TRAFD1: variants seen among roughly 807,000 people sequenced by gnomAD.
TRAFD1 encodes TRAF-type zinc finger domain-containing protein 1.
In TRAFD1, 38 loss-of-function variants were observed where a neutral mutation model predicts 65.3. The observed-to-expected ratio is 0.58, with a 90% CI of 0.45 to 0.76. The LOEUF is 0.76. TRAFD1 is among the 30% of genes least tolerant of loss of function. The probability of loss-of-function intolerance (pLI) is 0.00; values close to 1 mark genes in which losing one functional copy is unlikely to be tolerated. For synonymous variants in TRAFD1, 223 were observed against 257.2 expected, an observed-to-expected ratio of 0.87 and a Z score of 1.27; for missense variants, 631 against 712.6, an observed-to-expected ratio of 0.89 and a Z score of 1.30.
intron 4 of TRAFD1, among the ~76,000 whole-genome samples, chr12:112,136,036 C>T (rs1433283147): frequency 1.3e-5 from 2 of 149,904 alleles, no homozygotes; most frequent in African/African-American, 4.9e-5. Context: ...GGCTGAGGCA[C>T]GAGAATCGCT....
chr12:112,151,173 G>A (rs768185831), intron 9 of TRAFD1, among the ~76,000 whole-genome samples: 1 of 151,952 alleles, frequency 6.6e-6, no homozygotes, highest in East Asian at 2.0e-4. Flanking sequence ...AGGAGGCAGA[G>A]GCTGCAGTGA....
At chr12:112,140,264 C>A (rs901289924) in intron 4 of TRAFD1, 11 of 181,702 alleles carry the variant, frequency 6.1e-5, no homozygotes, top group Admixed American at 6.0e-4. Flanking sequence ...ACTAAAAATA[C>A]AAAAAATTAA....
intron 2 of TRAFD1, among the ~76,000 whole-genome samples, chr12:112,132,663 A>G (rs2079572063): frequency 6.6e-6 from 1 of 152,162 alleles, no homozygotes; most frequent in Admixed American, 6.6e-5. Flanking sequence ...TAGCTTGATA[A>G]TTCCACCACT....
chr12:112,140,713 G>T, intron 4 of TRAFD1, 106 bp from the exon 5 acceptor site: 1 of 1,330,972 alleles, frequency 7.5e-7, no homozygotes, highest in Non-Finnish European at 1.0e-6. Context: ...AGAATCAAGG[G>T]TTGGAAGAGA....
In TRAFD1 at chr12:112,143,270, G is replaced by A. The variant is rs183397916; in HGVS notation, c.850+975G>A. ...AATTTTTTGTATTTTTAGTAAAGACGGGGTTTCACTGTATTAGCCAGGATT... is the reference window on the plus strand; with the variant it reads ...AATTTTTTGTATTTTTAGTAAAGACAGGGTTTCACTGTATTAGCCAGGATT... On this transcript the variant is annotated intron_variant, in intron 6 of 11. Transcript: ENST00000412615. Among the ~76,000 whole-genome samples the A allele has an allele frequency of 2.8e-3, 433 of 152,222 alleles. 3 individuals carry two copies. The highest frequency in any genetic ancestry group is 1.0e-2 in the African/African-American group (415 of 41,534).
At chr12:112,129,029 T>TA (rs543476356) in intron 1 of TRAFD1, among the ~76,000 whole-genome samples, 5,579 of 91,352 alleles carry the variant, frequency 0.061, 366 homozygotes, top group African/African-American at 0.17. Flanking sequence ...AGACTCTGTT[T>TA]AAAAAAAAAA....
intron 9 of TRAFD1, among the ~76,000 whole-genome samples, chr12:112,151,118 G>T (rs1398049773): frequency 2.0e-5 from 3 of 150,308 alleles, no homozygotes; most frequent in South Asian, 2.1e-4. Flanking sequence ...GGCGCCAGTA[G>T]TCCCAGCTAC....
At chr12:112,148,329 C>T in intron 8 of TRAFD1, 25 bp downstream of exon 8, 1 of 1,602,838 alleles carries the variant, frequency 6.2e-7, no homozygotes, top group Non-Finnish European at 8.5e-7. Flanking sequence ...AGTCCCTGTC[C>T]ATGTGGCTCT....
rs1303657926 is a variant in TRAFD1, at chr12:112,141,096, T to G, written c.515T>G (p.Ile172Ser). ...ATTGCATCCCAACTCCTCAGACAAA[T>G]TGAGGCTCTGGACCCACCCATGAGG... ...IWIASQLLRQIEALDPPMRLP... is the reference protein window; with the variant it reads ...IWIASQLLRQSEALDPPMRLP... The change falls in exon 5 of 12, where the codon ATT becomes AGT. Residue 172 changes from isoleucine to serine, a missense_variant. Ile to Ser is a moderately radical substitution (Grantham distance 142). Transcript: ENST00000412615. The G allele has an allele frequency of 1.4e-5, 22 of 1,614,104 alleles. No individual in the cohort carries two copies. Among genetic ancestry groups the G allele is most frequent in the Non-Finnish European group, 1.8e-5 (21 of 1,179,992 alleles).
At chr12:112,149,653 C>T (rs1387600099) in intron 8 of TRAFD1, 98 bp from the exon 9 acceptor site, 1 of 1,505,316 alleles carries the variant, frequency 6.6e-7, no homozygotes, top group African/African-American at 1.4e-5. Flanking sequence ...GTCAAAGTCC[C>T]CCTCCAGATG....
At chr12:112,150,402 A>C (rs1158188273) in intron 9 of TRAFD1, among the ~76,000 whole-genome samples, 3 of 151,684 alleles carry the variant, frequency 2.0e-5, no homozygotes, top group Non-Finnish European at 2.9e-5. Context: ...GGCACACTCT[A>C]CTACACCCAA....
intron 8 of TRAFD1, 34 bp downstream of exon 8, chr12:112,148,338 CTG>C (rs1374268041): frequency 1.3e-6 from 2 of 1,587,152 alleles, no homozygotes; most frequent in South Asian, 1.1e-5. Context: ...CCATGTGGCT[CTG>C]TGCGTGAACC....
At chr12:112,136,752 A>C (rs534781343) in intron 4 of TRAFD1, among the ~76,000 whole-genome samples, 1 of 152,142 alleles carries the variant, frequency 6.6e-6, no homozygotes, top group South Asian at 2.1e-4. Flanking sequence ...TGCCTGACTA[A>C]TTTTATTTAT....
intron 6 of TRAFD1, among the ~76,000 whole-genome samples, chr12:112,143,488 G>T (rs564962863): frequency 6.4e-4 from 97 of 152,262 alleles, no homozygotes; most frequent in African/African-American, 2.1e-3. Flanking sequence ...GCCTCCCAAA[G>T]TGCTGGGATT....
chr12:112,151,420 T>C (rs2030402190), intron 9 of TRAFD1, among the ~76,000 whole-genome samples: 1 of 151,040 alleles, frequency 6.6e-6, no homozygotes, highest in African/African-American at 2.4e-5. Flanking sequence ...AGACACAGTC[T>C]TGCTCTGTCT....
Position 112,127,656 on chromosome 12 carries a change from T to C in TRAFD1, c.-13+2038T>C, listed in dbSNP as rs73421072. ...CATGTGCCACCATACCCACCTAATT[T>C]TTTGCTTTTTTGTTTTTTGTTTTTT... On this transcript the variant is annotated intron_variant, in intron 1 of 11. Coordinates refer to ENST00000412615, the MANE Select transcript of TRAFD1 (RefSeq NM_006700.3). Among the ~76,000 whole-genome samples, 318 of 150,054 alleles carry C rather than the reference T, an allele frequency of 2.1e-3. 1 individual carries two copies. The highest frequency in any genetic ancestry group is 7.5e-3 in the African/African-American group (302 of 40,480).
rs572754174 is a variant in TRAFD1 at position 112,151,230 on chromosome 12, T to C, written c.1280-571T>C. Among the ~76,000 whole-genome samples, 3 of 151,868 alleles carry C rather than the reference T, an allele frequency of 2.0e-5. No homozygotes were observed. In the East Asian group the frequency reaches 5.9e-4, roughly 30 times the overall value. On this transcript the variant is annotated intron_variant, in intron 9 of 11. Coordinates refer to ENST00000412615, the MANE Select transcript of TRAFD1 (RefSeq NM_006700.3). ...TCCAGTCTGGGCGACAGAGCAAGAC[T>C]CCATCTCAAAAAAAAAATTATTTTT...
At chr12:112,136,083 C>T (rs1180298901) in intron 4 of TRAFD1, among the ~76,000 whole-genome samples, 4 of 150,388 alleles carry the variant, frequency 2.7e-5, no homozygotes, top group Non-Finnish European at 5.9e-5. Context: ...GAGCCGAGAT[C>T]GCGCCACTGC....
At chr12:112,143,571 C>T (rs1159930938) in intron 6 of TRAFD1, among the ~76,000 whole-genome samples, 2 of 151,854 alleles carry the variant, frequency 1.3e-5, no homozygotes, top group South Asian at 2.1e-4. Context: ...GATTTTTCTC[C>T]GTAGTTATTT....
Sources: allele counts gnomAD v4.1 joint callset (sites outside exome capture counted in the v4.1 genomes callset), GRCh38; gene constraint gnomAD v4.1.1; transcripts MANE v1.5; gene names NCBI Gene and HGNC (gene_info 2026-07-23, HGNC 2026-07-21).